The following DNAJC27 variants were observed in gnomAD, a reference collection of about 807,000 sequenced individuals.
The protein encoded by DNAJC27 is DnaJ heat shock protein family (Hsp40) member C27.
DNAJC27 carries 25 observed loss-of-function variants against 31.4 expected under a neutral mutation model. The ratio of observed to expected loss-of-function variants is 0.80; its 90% CI spans 0.58 to 1.11. The LOEUF is 1.11. Ranked by LOEUF, DNAJC27 falls within the 50% of genes most tolerant of loss-of-function variation. The probability of loss-of-function intolerance (pLI) is 0.00; values close to 1 mark genes in which losing one functional copy is unlikely to be tolerated. For synonymous variants in DNAJC27, 106 were observed against 112.7 expected (o/e 0.94, Z 0.37); for missense variants, 356 against 347.3 (o/e 1.02, Z -0.20).
chr2:24,959,129 C>T (rs945492415), intron 3 of DNAJC27, among the ~76,000 whole-genome samples: 4 of 152,176 alleles, frequency 2.6e-5, no homozygotes, highest in Non-Finnish European at 4.4e-5. Flanking sequence ...CCTCAGTACT[C>T]ATGGTCCTTG....
At chr2:24,965,610 A>G (rs1303334316) in intron 2 of DNAJC27, among the ~76,000 whole-genome samples, 2 of 152,160 alleles carry the variant, frequency 1.3e-5, no homozygotes, top group African/African-American at 4.8e-5. Context: ...AAGAGCTACA[A>G]TTTTCATTCT....
Position 24,947,555 on chromosome 2 carries a change from T to C in DNAJC27, c.*61A>G. 1 of 1,537,604 alleles carries C rather than the reference T, an allele frequency of 6.5e-7. No homozygotes were observed. The highest frequency in any genetic ancestry group is 8.8e-7 in the Non-Finnish European group (1 of 1,133,340). On this transcript the variant is annotated 3_prime_UTR_variant, in exon 7 of 7. Transcript: ENST00000264711. ...GGAAGGAAAACTCCACGTTGGTTAT[T>C]TCACCTCTAGGGAAAGTCTGTTTGC... is the stretch of plus-strand genomic sequence containing the variant.
At chr2:24,947,803 A>G (rs1487966729) in intron 6 of DNAJC27, 55 bp from the exon 7 acceptor site, 58 of 1,567,900 alleles carry the variant, frequency 3.7e-5, no homozygotes, top group Non-Finnish European at 5.0e-5. Flanking sequence ...AACCCACTGC[A>G]TGTTAGCTGT....
intron 3 of DNAJC27, among the ~76,000 whole-genome samples, chr2:24,961,764 C>T (rs542481446): frequency 8.6e-5 from 13 of 151,850 alleles, no homozygotes; most frequent in African/African-American, 1.9e-4. Flanking sequence ...TGCAGTCTCA[C>T]GATAAAAAAT....
chr2:24,957,042 C>A lies in DNAJC27; in HGVS notation c.528+1G>T. On this transcript the variant is annotated splice_donor_variant, in intron 5 of 6. Transcript: ENST00000264711. LOFTEE classifies it high-confidence loss of function. ...CTTAAAACAACAAAATGCTAGCTTA[C>A]CTGGAACATCTCATTAATGCCTTCT... 2 of 1,605,840 alleles carry A rather than the reference C, an allele frequency of 1.2e-6. No homozygotes were observed. The highest frequency in any genetic ancestry group is 1.7e-6 in the Non-Finnish European group (2 of 1,177,252).
chr2:24,957,603 C>G (rs1360332430), intron 4 of DNAJC27, among the ~76,000 whole-genome samples: 1 of 144,518 alleles, frequency 6.9e-6, no homozygotes, highest in Non-Finnish European at 1.5e-5. Flanking sequence ...TGTATGGCAC[C>G]AGAAAAAAAA....
chr2:24,951,365 A>G, intron 6 of DNAJC27, 29 bp downstream of exon 6: 2 of 1,585,078 alleles, frequency 1.3e-6, no homozygotes, highest in Non-Finnish European at 1.7e-6. Context: ...TATGATAGCA[A>G]TCAGCACTAA....
At chr2:24,955,365 A>G (rs1046008687) in intron 5 of DNAJC27, among the ~76,000 whole-genome samples, 1 of 152,208 alleles carries the variant, frequency 6.6e-6, no homozygotes, top group Non-Finnish European at 1.5e-5. Context: ...AATCTGAAAA[A>G]TGCATAAAAA....
At chr2:24,965,752 T>C (rs1666165841) in intron 2 of DNAJC27, among the ~76,000 whole-genome samples, 1 of 152,214 alleles carries the variant, frequency 6.6e-6, no homozygotes, top group Non-Finnish European at 1.5e-5. Context: ...GAAGGATACA[T>C]CTGAACTTGA....
intron 5 of DNAJC27, among the ~76,000 whole-genome samples, 163 bp from the exon 6 acceptor site, chr2:24,951,717 A>AAT (rs1182227483): frequency 1.3e-5 from 2 of 151,950 alleles, no homozygotes; most frequent in Non-Finnish European, 2.9e-5. Flanking sequence ...ATACTATTTA[A>AAT]ATATATATAT....
At chr2:24,956,933 A>C (rs1007875844) in intron 5 of DNAJC27, 110 bp downstream of exon 5, 10 of 1,282,618 alleles carry the variant, frequency 7.8e-6, no homozygotes, top group African/African-American at 7.6e-5. Context: ...GAAAAGAAAG[A>C]GCTTATTCTA....
chr2:24,959,064 T>G (rs1665979552), intron 3 of DNAJC27, among the ~76,000 whole-genome samples: 1 of 152,116 alleles, frequency 6.6e-6, no homozygotes, highest in African/African-American at 2.4e-5. Flanking sequence ...TCCCCTAAAG[T>G]TAAAACCAAC....
rs559098965 is a variant in DNAJC27 at position 24,962,663 on chromosome 2, G to C, written c.240+742C>G. Among the ~76,000 whole-genome samples, 178 of 152,198 alleles carry C rather than the reference G, an allele frequency of 1.2e-3. 2 individuals are homozygous for C. The highest frequency in any genetic ancestry group is 2.2e-3 in the Non-Finnish European group (152 of 68,026). On this transcript the variant is annotated intron_variant, in intron 3 of 6. Transcript: ENST00000264711. The stretch of plus-strand genomic sequence containing the variant: ...ATGAAAATACAACATCTCAGAATTT[G>C]TGGGACACACAGTTGTGCTGAGAGG...
chr2:24,958,642 T>G (rs1321437691), intron 3 of DNAJC27: 4 of 307,810 alleles, frequency 1.3e-5, no homozygotes. Context: ...ACAGGGTTAT[T>G]ATGATGGTTA....
At chr2:24,953,763 C>T (rs2149122967) in intron 5 of DNAJC27, 1 of 153,742 alleles carries the variant, frequency 6.5e-6, no homozygotes, top group Non-Finnish European at 1.4e-5. Flanking sequence ...TCTGAGGGCA[C>T]AAGGATTCAT....
At chr2:24,961,091 T>C (rs897943828) in intron 3 of DNAJC27, among the ~76,000 whole-genome samples, 3 of 152,178 alleles carry the variant, frequency 2.0e-5, no homozygotes, top group Non-Finnish European at 4.4e-5. Context: ...CTGACTCTCT[T>C]GTTACGGGCT....
chr2:24,957,263 G>T, intron 4 of DNAJC27, 98 bp from the exon 5 acceptor site: 1 of 1,339,248 alleles, frequency 7.5e-7, no homozygotes, highest in South Asian at 1.6e-5. Context: ...CTAAGGCAAA[G>T]CTATTCTTAG....
chr2:24,966,353 T>C (rs1666180502), intron 2 of DNAJC27, among the ~76,000 whole-genome samples: 1 of 152,228 alleles, frequency 6.6e-6, no homozygotes, highest in South Asian at 2.1e-4. Context: ...CCAATTCTAC[T>C]GTATGGGTAT....
intron 4 of DNAJC27, 75 bp downstream of exon 4, chr2:24,957,735 T>C (rs1665942034): frequency 7.3e-7 from 1 of 1,374,284 alleles, no homozygotes; most frequent in Non-Finnish European, 1.0e-6. Flanking sequence ...AATTTTTCTT[T>C]TCTTTTTGTT....
Sources: gnomAD v4.1 joint callset for allele counts (sites outside exome capture counted in the v4.1 genomes callset) on GRCh38, gnomAD v4.1.1 for gene constraint, MANE v1.5 for transcripts, NCBI Gene and HGNC (gene_info 2026-07-23, HGNC 2026-07-21) for gene names.